LEPROT: variants seen among roughly 807,000 people sequenced by gnomAD.
LEPROT encodes the protein leptin receptor overlapping transcript.
In LEPROT, 3 loss-of-function variants were observed where a neutral mutation model predicts 15.4. The ratio of observed to expected loss-of-function variants is 0.19; its 90% CI spans 0.09 to 0.50. The LOEUF is 0.50. LEPROT is among the 20% of genes least tolerant of loss of function. The pLI, the probability that LEPROT is intolerant of heterozygous loss-of-function variation, is 0.97. For missense variants in LEPROT, 137 were observed against 162.2 expected, an observed-to-expected ratio of 0.84 and a Z score of 0.84; for synonymous variants, 59 against 57.5, an observed-to-expected ratio of 1.03 and a Z score of -0.12.
rs1646492581 is a variant in LEPROT at position 65,432,046 on chromosome 1, C to A, written c.*127C>A. The A allele has an allele frequency of 7.2e-7, 1 of 1,390,466 alleles. No homozygotes were observed. The highest frequency in any genetic ancestry group is 9.3e-7 in the Non-Finnish European group (1 of 1,072,654). 86.1% of individuals were successfully genotyped at this position (1,390,466 alleles called of 1,614,324 possible). ...TTTTAATACCTTTATATATCATGTT[C>A]ACTTTAAGAAAGACTTCATAAGTAG... is the stretch of plus-strand genomic sequence containing the variant. On this transcript the variant is annotated 3_prime_UTR_variant, in exon 4 of 4. Transcript: ENST00000371065.
intron 2 of LEPROT, chr1:65,427,825 G>T (rs1482072320): frequency 2.4e-6 from 1 of 410,672 alleles, no homozygotes; most frequent in South Asian, 1.8e-5. Flanking sequence ...AGTTTTTGTA[G>T]AGACCGAGTC....
At position 65,432,331 on chromosome 1, in the gene LEPROT, T is replaced by C; in HGVS notation, c.*412T>C. 1 of 987,618 alleles carries C rather than the reference T, an allele frequency of 1.0e-6. No individual in the cohort carries two copies. The highest frequency in any genetic ancestry group is 1.7e-5 in the African/African-American group (1 of 57,388). 61.2% of individuals were successfully genotyped at this position (987,618 alleles called of 1,614,324 possible). ...TCCCTCTTTGTGTTGTAGTCCATGC[T>C]ATTAAAAGTGTGGCCCACAGACCAA... On this transcript the variant is annotated 3_prime_UTR_variant, in exon 4 of 4. Coordinates refer to ENST00000371065, the MANE Select transcript of LEPROT (RefSeq NM_017526.5).
At chr1:65,431,438 C>A (rs538113551) in intron 3 of LEPROT, among the ~76,000 whole-genome samples, 28 of 152,320 alleles carry the variant, frequency 1.8e-4, no homozygotes, top group Non-Finnish European at 4.1e-4. Context: ...TATAACTCTA[C>A]AATTTTTATT....
chr1:65,424,720 C>G (rs974288420), intron 1 of LEPROT, among the ~76,000 whole-genome samples: 1 of 152,184 alleles, frequency 6.6e-6, no homozygotes, highest in African/African-American at 2.4e-5. Flanking sequence ...AGCCAGCTTC[C>G]TGGTTTGCAG....
In LEPROT at chr1:65,432,443, G is replaced by A; in HGVS notation, c.*524G>A. 3.1e-6 allele frequency: 2 copies of A among 645,174 alleles called. No individual in the cohort carries two copies. The highest frequency in any genetic ancestry group is 3.9e-6 in the Non-Finnish European group (2 of 519,144). 40.0% of individuals were successfully genotyped at this position (645,174 alleles called of 1,614,324 possible). A position where few individuals can be genotyped will look rare whatever the true frequency, so the allele number is the denominator to read the frequency against. ...CAGGACATTTTGATGAGATCCAAAG[G>A]AGTTGTATGCACATGAAAGTTTGAG... On this transcript the variant is annotated 3_prime_UTR_variant, in exon 4 of 4. Transcript: ENST00000371065.
At position 65,433,702 on chromosome 1, in the gene LEPROT, T is replaced by A; in HGVS notation, c.*1783T>A. ...TTGTTAAAGTTGTCATTTCCAATAT[T>A]TATATTAGAAAAATTATTTAGATAC... On this transcript the variant is annotated 3_prime_UTR_variant, in exon 4 of 4. Transcript: ENST00000371065. 1 of 950,482 alleles carries A rather than the reference T, an allele frequency of 1.1e-6. No homozygotes were observed. Among genetic ancestry groups the A allele is most frequent in the Non-Finnish European group, 1.3e-6 (1 of 798,312 alleles). 58.9% of individuals were successfully genotyped at this position (950,482 alleles called of 1,614,324 possible). A position where few individuals can be genotyped will look rare whatever the true frequency, so the allele number is the denominator to read the frequency against.
rs1306973457 is a variant in LEPROT at position 65,434,432 on chromosome 1, ATTCT to A, written c.*2516_*2519del. 5.1e-6 allele frequency: 5 copies of A among 985,236 alleles called. No homozygotes were observed. The highest frequency in any genetic ancestry group is 2.4e-6 in the Non-Finnish European group (2 of 829,930). The allele number at this position is 985,236 out of a possible 1,614,324, so 61.0% of individuals were successfully genotyped here. Reference sequence around the variant, plus strand: ...CACAAGTAAATAATCTTATGAAGGGATTCTTTATCATGTTTCAAACAAGTGGGTT... The same window carrying A: ...CACAAGTAAATAATCTTATGAAGGGATTATCATGTTTCAAACAAGTGGGTT... On this transcript the variant is annotated 3_prime_UTR_variant, in exon 4 of 4. Transcript: ENST00000371065.
chr1:65,420,849 C>A, intron 1 of LEPROT, 109 bp downstream of exon 1: 1 of 1,322,154 alleles, frequency 7.6e-7, no homozygotes, highest in Non-Finnish European at 1.1e-6. Flanking sequence ...GCCTCACCAC[C>A]CTTCCCGCCT....
At chr1:65,422,941 G>A (rs1381434028) in intron 1 of LEPROT, among the ~76,000 whole-genome samples, 1 of 152,108 alleles carries the variant, frequency 6.6e-6, no homozygotes, top group African/African-American at 2.4e-5. Context: ...GAGTCACAGA[G>A]GCAGGAATAA....
chr1:65,433,846 A>G lies in LEPROT; in HGVS notation c.*1927A>G, dbSNP rs1354284786. 1.0e-5 allele frequency: 10 copies of G among 985,108 alleles called. No homozygotes were observed. The highest frequency in any genetic ancestry group is 1.2e-5 in the Non-Finnish European group (10 of 829,788). 61.0% of individuals were successfully genotyped at this position (985,108 alleles called of 1,614,324 possible). On this transcript the variant is annotated 3_prime_UTR_variant, in exon 4 of 4. Transcript: ENST00000371065. ...TTTTTTTGTGATGTTGCCTTGCCTG[A>G]AAAGATAACAAAAATGAGAGAATTT...
chr1:65,435,293 C>T lies in LEPROT; in HGVS notation c.*3374C>T, dbSNP rs559821775. On this transcript the variant is annotated 3_prime_UTR_variant, in exon 4 of 4. Coordinates refer to ENST00000371065, the MANE Select transcript of LEPROT (RefSeq NM_017526.5). The stretch of plus-strand genomic sequence containing the variant: ...TACTGTTTTCAAGGCTGAAATAGTT[C>T]ATTATGTTAATAACCTTCTTTATGT... 168 of 984,334 alleles carry T rather than the reference C, an allele frequency of 1.7e-4. 3 individuals carry two copies. In the South Asian group the frequency reaches 7.2e-3, roughly 42 times the overall value. The allele number at this position is 984,334 out of a possible 1,614,324, so 61.0% of individuals were successfully genotyped here. A position where few individuals can be genotyped will look rare whatever the true frequency, so the allele number is the denominator to read the frequency against.
Position 65,435,274 on chromosome 1 carries a change from T to G in LEPROT, c.*3355T>G. Reference sequence around the variant, plus strand: ...GAGGTATCTCCTCAATGAATACTGTTTTCAAGGCTGAAATAGTTCATTATG... The same window carrying G: ...GAGGTATCTCCTCAATGAATACTGTGTTCAAGGCTGAAATAGTTCATTATG... On this transcript the variant is annotated 3_prime_UTR_variant, in exon 4 of 4. Coordinates refer to ENST00000371065, the MANE Select transcript of LEPROT (RefSeq NM_017526.5). 1.0e-6 allele frequency: 1 copy of G among 985,066 alleles called. No homozygotes were observed. The highest frequency in any genetic ancestry group is 1.2e-6 in the Non-Finnish European group (1 of 829,622). 61.0% of individuals were successfully genotyped at this position (985,066 alleles called of 1,614,324 possible). A position where few individuals can be genotyped will look rare whatever the true frequency, so the allele number is the denominator to read the frequency against.
chr1:65,431,774 GA>G (rs1557585953), intron 3 of LEPROT, 28 bp from the exon 4 acceptor site: 2 of 1,605,026 alleles, frequency 1.2e-6, no homozygotes, highest in Middle Eastern at 1.7e-4. Flanking sequence ...AGGAAGTAAG[GA>G]TTTAATCCTT....
rs2100247786 is a variant in LEPROT, at chr1:65,434,810, T to C, written c.*2891T>C. 2.0e-6 allele frequency: 2 copies of C among 985,584 alleles called. No individual in the cohort carries two copies. Among genetic ancestry groups the C allele is most frequent in the South Asian group, 9.4e-5 (2 of 21,290 alleles). The allele number at this position is 985,584 out of a possible 1,614,324, so 61.1% of individuals were successfully genotyped here. ...GGCTCCATCCTCCCTCCTGAGGTTC[T>C]TCATATTCCAGAGTCACCCACCCTT... On this transcript the variant is annotated 3_prime_UTR_variant, in exon 4 of 4. Coordinates refer to ENST00000371065, the MANE Select transcript of LEPROT (RefSeq NM_017526.5).
At position 65,435,214 on chromosome 1, in the gene LEPROT, A is replaced by G. The variant is rs922273401; in HGVS notation, c.*3295A>G. 1.0e-5 allele frequency: 10 copies of G among 985,048 alleles called. No individual in the cohort carries two copies. The highest frequency in any genetic ancestry group is 6.2e-5 in the Admixed American group (1 of 16,246). The allele number at this position is 985,048 out of a possible 1,614,324, so 61.0% of individuals were successfully genotyped here. A position where few individuals can be genotyped will look rare whatever the true frequency, so the allele number is the denominator to read the frequency against. Reference sequence around the variant, plus strand: ...TTTTCTTCCACTTAAGAACTCATAGATTTTTCTTACTGTCCTAAGGAAGTC... The same window carrying G: ...TTTTCTTCCACTTAAGAACTCATAGGTTTTTCTTACTGTCCTAAGGAAGTC... On this transcript the variant is annotated 3_prime_UTR_variant, in exon 4 of 4. Transcript: ENST00000371065.
chr1:65,429,159 T>C (rs908331638), intron 2 of LEPROT, among the ~76,000 whole-genome samples: 3 of 152,138 alleles, frequency 2.0e-5, no homozygotes, highest in Non-Finnish European at 4.4e-5. Context: ...TACATTAGAA[T>C]AGATGACCAG....
rs1318734474 is a variant in LEPROT at position 65,425,290 on chromosome 1, T to G, written c.17-13T>G. The G allele has an allele frequency of 6.2e-7, 1 of 1,611,836 alleles. No individual in the cohort carries two copies. Among genetic ancestry groups the G allele is most frequent in the Admixed American group, 1.7e-5 (1 of 59,320 alleles). The stretch of plus-strand genomic sequence containing the variant: ...ACTGTGGGAACTTTAACTTTTGGCT[T>G]TATTTTTCACAGCTCTCGTGGCATT... On this transcript the variant is annotated splice_polypyrimidine_tract_variant and intron_variant, in intron 1 of 3. Transcript: ENST00000371065.
Position 65,429,902 on chromosome 1 carries a change from TC to T in LEPROT, c.138del (p.Ile47SerfsTer47). ...ATTCGTCCTGATTTTCCACGCCATC[TC>T]CCCCATCCCCCATTTCATTGCCAAA... ...PLFVLIFHAISPIPHFIAKRV... is the reference protein window; with the variant it reads ...PLFVLIFHAIXPIPHFIAKRV... On this transcript the variant is annotated frameshift_variant, in exon 3 of 4. Transcript: ENST00000371065. LOFTEE classifies it high-confidence loss of function. 2 of 1,522,888 alleles carry T rather than the reference TC, an allele frequency of 1.3e-6. No homozygotes were observed. Among genetic ancestry groups the T allele is most frequent in the South Asian group, 1.3e-5 (1 of 79,132 alleles). The allele number at this position is 1,522,888 out of a possible 1,614,324, so 94.3% of individuals were successfully genotyped here. A position where few individuals can be genotyped will look rare whatever the true frequency, so the allele number is the denominator to read the frequency against.
At chr1:65,430,810 A>T (rs1046583762) in intron 3 of LEPROT, among the ~76,000 whole-genome samples, 5 of 152,200 alleles carry the variant, frequency 3.3e-5, no homozygotes, top group African/African-American at 1.2e-4. Context: ...GTATACTATA[A>T]GTGTACTAAG....
Sources: gnomAD v4.1 joint callset for allele counts (sites outside exome capture counted in the v4.1 genomes callset) on GRCh38, gnomAD v4.1.1 for gene constraint, MANE v1.5 for transcripts, NCBI Gene and HGNC (gene_info 2026-07-23, HGNC 2026-07-21) for gene names.